SPATA16: variants seen among roughly 807,000 people sequenced by gnomAD.
The protein encoded by SPATA16 is spermatogenesis-associated protein 16.
SPATA16 carries 36 observed loss-of-function variants against 63.3 expected under a neutral mutation model. The observed-to-expected ratio is 0.57, with a 90% CI of 0.44 to 0.75. The LOEUF is 0.75. SPATA16 is among the 30% of genes least tolerant of loss of function. The pLI is 0.00. For missense variants in SPATA16, 646 were observed against 679.3 expected (o/e 0.95, Z 0.54); for synonymous variants, 203 against 216.7 (o/e 0.94, Z 0.56).
chr3:173,089,905 G>A (rs954698619), intron 2 of SPATA16, among the ~76,000 whole-genome samples: 9 of 152,148 alleles, frequency 5.9e-5, no homozygotes, highest in South Asian at 2.1e-4. Flanking sequence ...TGACTTGAGC[G>A]TGTTGTAAAT....
chr3:173,086,488 C>A (rs1577167061), intron 2 of SPATA16, among the ~76,000 whole-genome samples: 1 of 152,050 alleles, frequency 6.6e-6, no homozygotes, highest in East Asian at 1.9e-4. Context: ...AAAAAGCCAC[C>A]TCCTGGATTC....
intron 5 of SPATA16, among the ~76,000 whole-genome samples, chr3:172,957,561 T>G (rs1385064532): frequency 2.0e-5 from 3 of 152,204 alleles, no homozygotes; most frequent in African/African-American, 7.2e-5. Flanking sequence ...TCCTACAACT[T>G]TTCCTTCTAA....
At chr3:173,006,235 TTAG>T (rs1734943139) in intron 4 of SPATA16, among the ~76,000 whole-genome samples, 1 of 152,182 alleles carries the variant, frequency 6.6e-6, no homozygotes, top group Non-Finnish European at 1.5e-5. Flanking sequence ...GGAAAGCCAC[TTAG>T]TGGTGGAATT....
intron 4 of SPATA16, among the ~76,000 whole-genome samples, chr3:172,987,465 TC>T (rs1734483444): frequency 6.6e-6 from 1 of 152,222 alleles, no homozygotes; most frequent in Non-Finnish European, 1.5e-5. Flanking sequence ...TTGGAACATT[TC>T]CCTACCAGCA....
intron 4 of SPATA16, among the ~76,000 whole-genome samples, chr3:173,013,439 T>G (rs1013338357): frequency 5.9e-5 from 9 of 152,150 alleles, no homozygotes; most frequent in Admixed American, 5.2e-4. Flanking sequence ...TATTATTGAG[T>G]GCACTCAGAC....
intron 6 of SPATA16, among the ~76,000 whole-genome samples, chr3:172,949,586 A>T (rs1733380084): frequency 6.6e-6 from 1 of 152,210 alleles, no homozygotes; most frequent in South Asian, 2.1e-4. Flanking sequence ...TATATTGTTG[A>T]CAGAGAGGCT....
chr3:172,925,532 G>A (rs1410478217), intron 6 of SPATA16, 40 bp from the exon 7 acceptor site: 1 of 1,612,876 alleles, frequency 6.2e-7, no homozygotes, highest in Non-Finnish European at 8.5e-7. Context: ...GCTTTGTTAT[G>A]GTTTTAATAT....
intron 4 of SPATA16, among the ~76,000 whole-genome samples, chr3:172,984,900 T>G (rs1023674736): frequency 7.2e-5 from 11 of 152,198 alleles, no homozygotes; most frequent in African/African-American, 2.7e-4. Flanking sequence ...TAGCAAGTGC[T>G]TTTACATCTC....
chr3:173,024,100 A>C (rs961589506), intron 3 of SPATA16, among the ~76,000 whole-genome samples: 1 of 150,874 alleles, frequency 6.6e-6, no homozygotes, highest in African/African-American at 2.5e-5. Context: ...CACAATAGGT[A>C]TGGGATTTTT....
At chr3:172,972,397 T>C (rs1411667810) in intron 5 of SPATA16, among the ~76,000 whole-genome samples, 1 of 152,192 alleles carries the variant, frequency 6.6e-6, no homozygotes, top group Non-Finnish European at 1.5e-5. Flanking sequence ...ATTAGTGCCT[T>C]TTCAGTAGAT....
rs1446699783 is a variant in SPATA16 at position 173,047,525 on chromosome 3, T to A, written c.758+1424A>T. On this transcript the variant is annotated intron_variant, in intron 3 of 10. Transcript: ENST00000351008. Reference sequence around the variant, plus strand: ...GAAGTCTATAAATAGCTTTCAAATGTTTGTTTCTATTTTTAAAATTTTTAC... The same window carrying A: ...GAAGTCTATAAATAGCTTTCAAATGATTGTTTCTATTTTTAAAATTTTTAC... 3.3e-5 allele frequency among the ~76,000 whole-genome samples: 5 copies of A among 151,992 alleles called. No individual in the cohort carries two copies. The East Asian group carries it at 9.6e-4, about 29-fold the overall frequency.
At chr3:172,905,096 T>A (rs1343047099) in intron 10 of SPATA16, among the ~76,000 whole-genome samples, 2 of 152,248 alleles carry the variant, frequency 1.3e-5, no homozygotes, top group Non-Finnish European at 1.5e-5. Flanking sequence ...TTTCCCTGCA[T>A]GATCTGCACT....
chr3:173,036,425 G>T (rs1426762957), intron 3 of SPATA16, among the ~76,000 whole-genome samples: 6 of 151,916 alleles, frequency 3.9e-5, no homozygotes, highest in African/African-American at 1.4e-4. Flanking sequence ...ATTTGGTTTT[G>T]CATAATGAAA....
At chr3:173,100,449 A>T (rs980664114) in intron 2 of SPATA16, among the ~76,000 whole-genome samples, 1 of 152,178 alleles carries the variant, frequency 6.6e-6, no homozygotes, top group African/African-American at 2.4e-5. Flanking sequence ...TGAAGCTACC[A>T]GCTTTCAACA....
rs1733765056 is a variant in SPATA16, at chr3:172,961,069, T to TCTCCCTTCCTTC, written c.934-4246_934-4245insGAAGGAAGGGAG. ...CTTTCTTCTTTCTTTCTTTCTTCTT[T>TCTCCCTTCCTTC]CTTCCTTCCTTCCTTCCTTCCTTCC... On this transcript the variant is annotated intron_variant, in intron 5 of 10. Transcript: ENST00000351008. Among the ~76,000 whole-genome samples, 18 of 72,384 alleles carry TCTCCCTTCCTTC rather than the reference T, an allele frequency of 2.5e-4. 2 individuals carry two copies. The East Asian group carries it at 6.8e-3, about 27-fold the overall frequency. The allele number at this position is 72,384 out of a possible 152,430, so 47.5% of individuals were successfully genotyped here. A position where few individuals can be genotyped will look rare whatever the true frequency, so the allele number is the denominator to read the frequency against.
chr3:173,133,520 G>C (rs1877485), intron 1 of SPATA16, among the ~76,000 whole-genome samples: 48,977 of 151,932 alleles, frequency 0.32, 8,262 homozygotes, highest in African/African-American at 0.41. Context: ...TCTCTCCTCA[G>C]AGATCTGAAT....
chr3:173,089,742 G>A (rs149066095), intron 2 of SPATA16, among the ~76,000 whole-genome samples: 1 of 152,244 alleles, frequency 6.6e-6, no homozygotes, highest in African/African-American at 2.4e-5. Context: ...AAATAATGGG[G>A]ATGAAGGAAG....
At chr3:173,014,963 C>T (rs894519445) in intron 4 of SPATA16, among the ~76,000 whole-genome samples, 1 of 152,152 alleles carries the variant, frequency 6.6e-6, no homozygotes, top group Non-Finnish European at 1.5e-5. Flanking sequence ...ACATCATCTG[C>T]CTGGGCTTTA....
chr3:173,138,956 T>C (rs916911917), intron 1 of SPATA16, among the ~76,000 whole-genome samples: 1 of 152,206 alleles, frequency 6.6e-6, no homozygotes, highest in African/African-American at 2.4e-5. Flanking sequence ...CTTTCTAAAA[T>C]GTAAAGCTAA....
Sources: gnomAD v4.1 joint callset for allele counts (sites outside exome capture counted in the v4.1 genomes callset) on GRCh38, gnomAD v4.1.1 for gene constraint, MANE v1.5 for transcripts, NCBI Gene and HGNC (gene_info 2026-07-23, HGNC 2026-07-21) for gene names.